Variants in TEDC2 observed in about 807,000 individuals in gnomAD.
TEDC2 encodes tubulin epsilon and delta complex 2, also known as tubulin epsilon and delta complex protein 2.
A neutral mutation model predicts 48.1 loss-of-function variants in TEDC2; 49 were observed. That is an observed-to-expected ratio of 1.02 (90% CI 0.81 to 1.29). TEDC2 has a LOEUF of 1.29. TEDC2 is among the 50% of genes most tolerant of loss of function. TEDC2 has a pLI of 0.00. For missense variants in TEDC2, 631 were observed against 571.4 expected, an observed-to-expected ratio of 1.10 and a Z score of -1.06; for synonymous variants, 299 against 247.1, an observed-to-expected ratio of 1.21 and a Z score of -1.97.
chr16:2,464,851 C>G lies in TEDC2; in HGVS notation c.*183C>G, dbSNP rs1200460093. 4 of 825,986 alleles carry G rather than the reference C, an allele frequency of 4.8e-6. No individual in the cohort carries two copies. The highest frequency in any genetic ancestry group is 7.4e-6 in the Non-Finnish European group (4 of 544,182). The allele number at this position is 825,986 out of a possible 1,614,324, so 51.2% of individuals were successfully genotyped here. A position where few individuals can be genotyped will look rare whatever the true frequency, so the allele number is the denominator to read the frequency against. On this transcript the variant is annotated 3_prime_UTR_variant, in exon 10 of 10. Transcript: ENST00000361837. ...TGGTCAGGGCTGGCTTTCAGCCTTC[C>G]TAAGGCTCCTGGACTCCAGAGGCCA... is the stretch of plus-strand genomic sequence containing the variant.
chr16:2,461,306 G>A lies in TEDC2; in HGVS notation c.605+82G>A, dbSNP rs1236267032. 5.7e-6 allele frequency: 8 copies of A among 1,414,638 alleles called. No homozygotes were observed. In the East Asian group the frequency reaches 1.5e-4, roughly 27 times the overall value. 87.6% of individuals were successfully genotyped at this position (1,414,638 alleles called of 1,614,324 possible). Reference sequence around the variant, plus strand: ...GCTAGCAAGGAGCCTGGGATTTGGGGTGACAGGGAAGGCAGGGCATCGAGC... The same window carrying A: ...GCTAGCAAGGAGCCTGGGATTTGGGATGACAGGGAAGGCAGGGCATCGAGC... On this transcript the variant is annotated intron_variant, in intron 4 of 9. Coordinates refer to ENST00000361837, the MANE Select transcript of TEDC2 (RefSeq NM_025108.3).
At chr16:2,464,345 G>A (rs1448546571) in intron 9 of TEDC2, 116 bp downstream of exon 9, 4 of 1,397,502 alleles carry the variant, frequency 2.9e-6, no homozygotes, top group East Asian at 2.5e-5. Context: ...CAAGCCTGGG[G>A]TCTGTGTGTG....
rs747069248 is a variant in TEDC2, at chr16:2,464,156, C to T, written c.1082C>T (p.Thr361Ile). Residue 361 changes from threonine (T) to isoleucine (I), a missense_variant, in exon 9 of 10, where the codon ACC (threonine) becomes ATC (isoleucine). Transcript: ENST00000361837. ...CCCCAGCTGCTTGTCTACTCCAGCA[C>T]CCAGGAGCTGCAGACCCTGGCGGCC... ...WSPQLLVYSSTQELQTLAALK... is the reference protein window; with the variant it reads ...WSPQLLVYSSIQELQTLAALK... 34 of 1,612,620 alleles carry T rather than the reference C, an allele frequency of 2.1e-5. No homozygotes were observed. Among genetic ancestry groups the T allele is most frequent in the Non-Finnish European group, 5.1e-6 (6 of 1,179,912 alleles).
Position 2,461,116 on chromosome 16 carries a change from T to G in TEDC2, c.497T>G (p.Val166Gly). Residue 166 changes from valine to glycine, a missense_variant, in exon 4 of 10, where the codon GTT becomes GGT. Coordinates refer to ENST00000361837, the MANE Select transcript of TEDC2 (RefSeq NM_025108.3). ...CTGTCAGTGGGGGATGGGACCCGTG[T>G]TGGGATGGGAGCCCGAACCCCCAGG... The part of the protein sequence containing the change: ...RLLSVGDGTR[V>G]GMGARTPRPG... 1 of 1,575,340 alleles carries G rather than the reference T, an allele frequency of 6.3e-7. No homozygotes were observed. The highest frequency in any genetic ancestry group is 8.6e-7 in the Non-Finnish European group (1 of 1,158,508).
intron 8 of TEDC2, among the ~76,000 whole-genome samples, chr16:2,463,000 G>T (rs2065476729): frequency 6.6e-6 from 1 of 152,248 alleles, no homozygotes; most frequent in South Asian, 2.1e-4. Context: ...GCTCTGAGCA[G>T]TTGCTTATTC....
chr16:2,461,210 ACT>A lies in TEDC2; in HGVS notation c.593_594del (p.Leu198GlnfsTer34). The A allele has an allele frequency of 4.1e-6, 6 of 1,478,384 alleles. No homozygotes were observed. Among genetic ancestry groups the A allele is most frequent in the Non-Finnish European group, 5.4e-6 (6 of 1,113,980 alleles). The allele number at this position is 1,478,384 out of a possible 1,614,324, so 91.6% of individuals were successfully genotyped here. A position where few individuals can be genotyped will look rare whatever the true frequency, so the allele number is the denominator to read the frequency against. ...CTCCTCAGGCCCCAGAAGCCTTCAC[ACT>A]CAAGGAGAAGGGGTAGGTTTCCCGG... is the stretch of plus-strand genomic sequence containing the variant. ...AAPQAPEAFTLKEKGHLLRLP... is the reference protein window; with the variant it reads ...AAPQAPEAFTXKEKGHLLRLP... On this transcript the variant is annotated frameshift_variant, in exon 4 of 10. Transcript: ENST00000361837. LOFTEE classifies it high-confidence loss of function.
intron 9 of TEDC2, 44 bp downstream of exon 9, chr16:2,464,273 CCTTGAGGA>C (rs1567396739): frequency 6.3e-7 from 1 of 1,582,448 alleles, no homozygotes; most frequent in East Asian, 2.3e-5. Context: ...AGGTCCGCAG[CCTTGAGGA>C]CCCGAGGGTA....
At position 2,462,460 on chromosome 16, in the gene TEDC2, G is replaced by T; in HGVS notation, c.796G>T (p.Glu266Ter). The change falls in exon 7 of 10, where the codon GAG becomes TAG. Residue 266 changes from glutamate (E) to a stop codon, truncating the protein, a stop_gained. Coordinates refer to ENST00000361837, the MANE Select transcript of TEDC2 (RefSeq NM_025108.3). LOFTEE classifies it high-confidence loss of function. ...PRLSAVEVEAEAGRLRKACSL... is the reference protein window; with the variant it reads ...PRLSAVEVEA ...GCTCAGTGCTGTGGAGGTGGAGGCG[G>T]AGGCGGGGCGCCTGCGGAAGGCCTG... is the stretch of plus-strand genomic sequence containing the variant. The T allele has an allele frequency of 1.2e-6, 2 of 1,611,246 alleles. No homozygotes were observed. The highest frequency in any genetic ancestry group is 1.7e-6 in the Non-Finnish European group (2 of 1,179,440).
intron 9 of TEDC2, 40 bp downstream of exon 9, chr16:2,464,269 G>A (rs62621760): frequency 9.2e-5 from 147 of 1,589,926 alleles, no homozygotes; most frequent in Middle Eastern, 3.3e-4. Flanking sequence ...ACAGAGGTCC[G>A]CAGCCTTGAG....
chr16:2,461,822 G>A (rs997200856), intron 5 of TEDC2, 22 bp downstream of exon 5: 1 of 1,613,426 alleles, frequency 6.2e-7, no homozygotes, highest in African/African-American at 1.3e-5. Flanking sequence ...GTCTTTGGCT[G>A]GACGGGGGTA....
chr16:2,464,792 C>CCTCACTGG lies in TEDC2; in HGVS notation c.*128_*135dup. ...AAACCTGGTGAACTGGACCAGGTGG[C>CCTCACTGG]CTCACTGGCTCTTCTCAGGACAACT... On this transcript the variant is annotated 3_prime_UTR_variant, in exon 10 of 10. Transcript: ENST00000361837. 1 of 1,345,682 alleles carries CCTCACTGG rather than the reference C, an allele frequency of 7.4e-7. No individual in the cohort carries two copies. 83.4% of individuals were successfully genotyped at this position (1,345,682 alleles called of 1,614,324 possible). A position where few individuals can be genotyped will look rare whatever the true frequency, so the allele number is the denominator to read the frequency against.
Position 2,462,624 on chromosome 16 carries a change from T to C in TEDC2, c.863-7T>C. 6.5e-7 allele frequency: 1 copy of C among 1,542,318 alleles called. No individual in the cohort carries two copies. ...GGCCCCACCTGCTCTCCCTGACTCT[T>C]CTGCAGCCCCCATGGACTGGATGCA... On this transcript the variant is annotated splice_region_variant and splice_polypyrimidine_tract_variant and intron_variant, in intron 7 of 9. Transcript: ENST00000361837.
In TEDC2 at chr16:2,464,169, G is replaced by A. The variant is rs1468042141; in HGVS notation, c.1095G>A (p.Gln365=). 6.2e-7 allele frequency: 1 copy of A among 1,612,680 alleles called. No individual in the cohort carries two copies. The highest frequency in any genetic ancestry group is 1.1e-5 in the South Asian group (1 of 91,012). ...TCTACTCCAGCACCCAGGAGCTGCA[G>A]ACCCTGGCGGCCCTCAAGCTGCGAG... ...LLVYSSTQEL[Q]TLAALKLRVA... The change falls in exon 9 of 10, where the codon CAG becomes CAA. Residue 365 remains glutamine, a synonymous_variant. Coordinates refer to ENST00000361837, the MANE Select transcript of TEDC2 (RefSeq NM_025108.3).
In TEDC2 at chr16:2,460,922, C is replaced by T. The variant is rs1206189817; in HGVS notation, c.303C>T (p.Asp101=). 7.4e-6 allele frequency: 12 copies of T among 1,613,440 alleles called. No homozygotes were observed. Among genetic ancestry groups the T allele is most frequent in the Non-Finnish European group, 1.0e-5 (12 of 1,180,014 alleles). Residue 101 remains aspartate, a synonymous_variant, in exon 4 of 10, where the codon GAC becomes GAT. Transcript: ENST00000361837. ...GCATCACTAAGGCCGGAGAGAGAGA[C>T]AAGGCCCCCAGCCTGAAATCTAGGT... ...RRGITKAGER[D]KAPSLKSRSI...
In TEDC2 at chr16:2,462,138, G is replaced by A. The variant is rs756834127; in HGVS notation, c.660-11G>A. The A allele has an allele frequency of 6.2e-7, 1 of 1,612,422 alleles. No homozygotes were observed. Among genetic ancestry groups the A allele is most frequent in the Non-Finnish European group, 8.5e-7 (1 of 1,179,796 alleles). On this transcript the variant is annotated splice_polypyrimidine_tract_variant and intron_variant, in intron 5 of 9. Transcript: ENST00000361837. ...TGTGGTTCCTCTGTGCACCCCACGT[G>A]TGCACCCCAGCCTGTGGGCCCAGCT...
At chr16:2,462,082 C>T in intron 5 of TEDC2, 67 bp from the exon 6 acceptor site, 1 of 1,554,186 alleles carries the variant, frequency 6.4e-7, no homozygotes, top group Non-Finnish European at 8.8e-7. Flanking sequence ...TCCCAAGGCC[C>T]AGCTTACTGG....
chr16:2,460,565 G>A (rs1024508309), intron 2 of TEDC2, 58 bp from the exon 3 acceptor site: 10 of 1,602,572 alleles, frequency 6.2e-6, no homozygotes, highest in African/African-American at 4.0e-5. Context: ...GCCCCCTCGG[G>A]TCTGTTTGGG....
Position 2,461,056 on chromosome 16 carries a change from C to T in TEDC2, c.437C>T (p.Thr146Met), listed in dbSNP as rs773606818. Residue 146 changes from threonine to methionine, a missense_variant, in exon 4 of 10, where the codon ACG becomes ATG. Transcript: ENST00000361837. ...CCCACCAAGGGCCTCCGCCAGACCACGGTGCCTGCCAAGGGCCACCCTGAG... is the reference window on the plus strand; with the variant it reads ...CCCACCAAGGGCCTCCGCCAGACCATGGTGCCTGCCAAGGGCCACCCTGAG... The part of the protein sequence containing the change: ...TRPTKGLRQT[T>M]VPAKGHPERR... 1.1e-5 allele frequency: 17 copies of T among 1,605,218 alleles called. No individual in the cohort carries two copies. In the East Asian group the frequency reaches 1.1e-4, roughly 11 times the overall value.
In TEDC2 at chr16:2,464,026, C is replaced by G. The variant is rs372852875; in HGVS notation, c.965-13C>G. On this transcript the variant is annotated splice_polypyrimidine_tract_variant and intron_variant, in intron 8 of 9. Transcript: ENST00000361837. The stretch of plus-strand genomic sequence containing the variant: ...GCTGCTACCCCAAAGGCCACATTCT[C>G]CTGTGCACACAGCGGTGGCGGAACA... 6.2e-7 allele frequency: 1 copy of G among 1,609,458 alleles called. No homozygotes were observed. Among genetic ancestry groups the G allele is most frequent in the Non-Finnish European group, 8.5e-7 (1 of 1,177,548 alleles).
Sources: gnomAD v4.1 joint callset for allele counts (sites outside exome capture counted in the v4.1 genomes callset) on GRCh38, gnomAD v4.1.1 for gene constraint, MANE v1.5 for transcripts, NCBI Gene and HGNC (gene_info 2026-07-23, HGNC 2026-07-21) for gene names.